ZNF578: variants seen among roughly 807,000 people sequenced by gnomAD.
ZNF578 encodes the protein zinc finger protein 578, also known as Putative chemokine-related protein B42.
ZNF578 carries 8 observed loss-of-function variants against 8.3 expected under a neutral mutation model. The observed-to-expected ratio is 0.96, with a 90% confidence interval of 0.56 to 1.74. ZNF578 has a LOEUF of 1.74. Ranked by LOEUF, ZNF578 falls within the 40% of genes most tolerant of loss-of-function variation. The probability of loss-of-function intolerance (pLI) is 0.00; values close to 1 mark genes in which losing one functional copy is unlikely to be tolerated. For synonymous variants in ZNF578, 206 were observed against 232.2 expected, an observed-to-expected ratio of 0.89 and a Z score of 1.03; for missense variants, 726 against 707.5, an observed-to-expected ratio of 1.03 and a Z score of -0.30.
rs539034210 is a variant in ZNF578, at chr19:52,495,279, G to A, written c.-20+3854G>A. Reference sequence around the variant, plus strand: ...TTTAGAGTTGAAGCGATTCTCCTGCGATACTACCCCCTGAGTAGCTGGGAT... The same window carrying A: ...TTTAGAGTTGAAGCGATTCTCCTGCAATACTACCCCCTGAGTAGCTGGGAT... On this transcript the variant is annotated intron_variant, in intron 3 of 5. Transcript: ENST00000421239. Among the ~76,000 whole-genome samples, 13 of 143,652 alleles carry A rather than the reference G, an allele frequency of 9.0e-5. 1 individual carries two copies. Among genetic ancestry groups the A allele is most frequent in the East Asian group, 3.9e-4 (2 of 5,140 alleles). 94.2% of individuals were successfully genotyped at this position (143,652 alleles called of 152,430 possible).
chr19:52,460,186 G>A (rs1195985394), intron 2 of ZNF578, among the ~76,000 whole-genome samples: 1 of 151,928 alleles, frequency 6.6e-6, no homozygotes, highest in African/African-American at 2.4e-5. Flanking sequence ...TGGGATTGCT[G>A]GATTATATGG....
intron 3 of ZNF578, among the ~76,000 whole-genome samples, chr19:52,496,418 C>T (rs1313538103): frequency 1.4e-5 from 2 of 146,790 alleles, no homozygotes; most frequent in Non-Finnish European, 1.5e-5. Context: ...CAAGCTCCGC[C>T]TCCCGGGTTC....
intron 3 of ZNF578, 108 bp from the exon 4 acceptor site, chr19:52,501,719 G>T (rs1024718952): frequency 1.1e-5 from 12 of 1,083,788 alleles, no homozygotes; most frequent in East Asian, 5.0e-5. Context: ...AGTGGGCAGT[G>T]GGGGGGGCTT....
intron 2 of ZNF578, among the ~76,000 whole-genome samples, chr19:52,463,788 G>C (rs2059265920): frequency 6.6e-6 from 1 of 152,080 alleles, no homozygotes; most frequent in Non-Finnish European, 1.5e-5. Context: ...AGTTAGTATG[G>C]ATAACTTTAT....
In ZNF578 at chr19:52,514,026, A is replaced by G. The variant is rs997382613; in HGVS notation, c.*1872A>G. On this transcript the variant is annotated 3_prime_UTR_variant, in exon 6 of 6. Transcript: ENST00000421239. ...GTTGGCAGAGTGAGTCTCCATCTCA[A>G]ACAAACAAATGAAAAAAACAGACAT... is the stretch of plus-strand genomic sequence containing the variant. 6.6e-6 allele frequency among the ~76,000 whole-genome samples: 1 copy of G among 151,598 alleles called. No homozygotes were observed. The highest frequency in any genetic ancestry group is 1.9e-4 in the East Asian group (1 of 5,190).
At chr19:52,501,298 C>G (rs1177435436) in intron 3 of ZNF578, among the ~76,000 whole-genome samples, 2 of 152,238 alleles carry the variant, frequency 1.3e-5, no homozygotes, top group Non-Finnish European at 2.9e-5. Context: ...CTGAGTGGAG[C>G]TCAACCCTGG....
At position 52,493,621 on chromosome 19, in the gene ZNF578, G is replaced by A. The variant is rs189947991; in HGVS notation, c.-20+2196G>A. Among the ~76,000 whole-genome samples, 52 of 152,202 alleles carry A rather than the reference G, an allele frequency of 3.4e-4. No individual in the cohort carries two copies. In the East Asian group the frequency reaches 8.3e-3, roughly 24 times the overall value. On this transcript the variant is annotated intron_variant, in intron 3 of 5. Transcript: ENST00000421239. ...AAGAGAGAATTTAACAGGGAGAGCA[G>A]AGGAGACGCAGAGATAAGAGGCGGT...
chr19:52,482,003 T>A (rs1373194946), intron 2 of ZNF578, among the ~76,000 whole-genome samples: 4 of 151,938 alleles, frequency 2.6e-5, no homozygotes, highest in Non-Finnish European at 5.9e-5. Context: ...AAATTACTGG[T>A]ATTACAGGGA....
chr19:52,501,156 C>T (rs113397810), intron 3 of ZNF578, among the ~76,000 whole-genome samples: 25,469 of 152,054 alleles, frequency 0.17, 2,616 homozygotes, highest in Non-Finnish European at 0.23. Context: ...GGATTATAGG[C>T]GAGAGCCCCT....
intron 2 of ZNF578, among the ~76,000 whole-genome samples, chr19:52,487,592 A>G (rs2059349900): frequency 6.6e-6 from 1 of 152,114 alleles, no homozygotes; most frequent in Non-Finnish European, 1.5e-5. Context: ...GGGGTAGTGA[A>G]GTGGGAAAAA....
Position 52,502,324 on chromosome 19 carries a change from A to G in ZNF578, c.63+416A>G, listed in dbSNP as rs111504954. ...TGTTAATGTGCCCAGGTATGTGGCA[A>G]ATTCTGGGAAAGGAGACGAATAAGG... On this transcript the variant is annotated intron_variant, in intron 4 of 5. Transcript: ENST00000421239. Among the ~76,000 whole-genome samples, 1,108 of 152,332 alleles carry G rather than the reference A, an allele frequency of 7.3e-3. 16 individuals are homozygous for G. The highest frequency in any genetic ancestry group is 0.025 in the African/African-American group (1,028 of 41,580).
At chr19:52,489,125 C>T (rs1490915835) in intron 2 of ZNF578, among the ~76,000 whole-genome samples, 6 of 151,528 alleles carry the variant, frequency 4.0e-5, no homozygotes, top group South Asian at 2.1e-4. Flanking sequence ...AAAAAGTAGC[C>T]GAGGGTGGTG....
intron 2 of ZNF578, among the ~76,000 whole-genome samples, chr19:52,486,958 A>G (rs1030498182): frequency 6.6e-6 from 1 of 151,932 alleles, no homozygotes; most frequent in Admixed American, 6.6e-5. Context: ...GAATCCCAGG[A>G]AGAAAGAAAA....
rs2059470804 is a variant in ZNF578, at chr19:52,515,550, T to C, written c.*3396T>C. 6.6e-6 allele frequency among the ~76,000 whole-genome samples: 1 copy of C among 152,126 alleles called. No homozygotes were observed. Among genetic ancestry groups the C allele is most frequent in the African/African-American group, 2.4e-5 (1 of 41,438 alleles). ...GCCCTTCCAGGACCCCATGTAAGACTTTAGACACCTTCTCACTCATCTCAG... is the reference window on the plus strand; with the variant it reads ...GCCCTTCCAGGACCCCATGTAAGACCTTAGACACCTTCTCACTCATCTCAG... On this transcript the variant is annotated 3_prime_UTR_variant, in exon 6 of 6. Coordinates refer to ENST00000421239, the MANE Select transcript of ZNF578 (RefSeq NM_001099694.2).
intron 2 of ZNF578, among the ~76,000 whole-genome samples, chr19:52,488,477 C>T (rs186771878): frequency 6.6e-5 from 10 of 152,008 alleles, no homozygotes; most frequent in Admixed American, 2.0e-4. Context: ...GGCGTGGTGG[C>T]GGGCTCCTGT....
At chr19:52,505,058 T>G (rs1468253276) in intron 5 of ZNF578, among the ~76,000 whole-genome samples, 1 of 152,140 alleles carries the variant, frequency 6.6e-6, no homozygotes, top group South Asian at 2.1e-4. Flanking sequence ...CAGCTAACTT[T>G]GTATTTTTAG....
Position 52,514,421 on chromosome 19 carries a change from C to A in ZNF578, c.*2267C>A, listed in dbSNP as rs1171010029. 6.6e-6 allele frequency among the ~76,000 whole-genome samples: 1 copy of A among 152,204 alleles called. No homozygotes were observed. Among genetic ancestry groups the A allele is most frequent in the South Asian group, 2.1e-4 (1 of 4,836 alleles). ...ATTTATTGGAAGGCTGTGGTACCTA[C>A]TACTTAAGTTTGATTGTTGCAGTGT... On this transcript the variant is annotated 3_prime_UTR_variant, in exon 6 of 6. Transcript: ENST00000421239.
intron 2 of ZNF578, among the ~76,000 whole-genome samples, chr19:52,459,816 C>G (rs1262673537): frequency 9.3e-6 from 1 of 106,984 alleles, no homozygotes; most frequent in Non-Finnish European, 1.7e-5. Context: ...TACTCTGTCA[C>G]CAGGCTGGAG....
At chr19:52,500,732 G>A (rs112280271) in intron 3 of ZNF578, among the ~76,000 whole-genome samples, 25,469 of 151,956 alleles carry the variant, frequency 0.17, 2,624 homozygotes, top group Non-Finnish European at 0.23. Context: ...AGATAGGCAT[G>A]TATGTCAGGG....
Sources: gnomAD v4.1 joint callset for allele counts (sites outside exome capture counted in the v4.1 genomes callset) on GRCh38, gnomAD v4.1.1 for gene constraint, MANE v1.5 for transcripts, NCBI Gene and HGNC (gene_info 2026-07-23, HGNC 2026-07-21) for gene names.